THSD7B: variants seen among roughly 807,000 people sequenced by gnomAD.
The protein encoded by THSD7B is thrombospondin type 1 domain containing 7B, also known as thrombospondin type-1 domain-containing protein 7B.
A neutral mutation model predicts 213.6 loss-of-function variants in THSD7B; 138 were observed. That is an observed-to-expected ratio of 0.65 (90% CI 0.56 to 0.74). The LOEUF is 0.74. THSD7B is among the 30% of genes least tolerant of loss of function. The pLI is 0.00. For synonymous variants in THSD7B, 742 were observed against 687.0 expected, an observed-to-expected ratio of 1.08 and a Z score of -1.25; for missense variants, 1,931 against 1,991.5, an observed-to-expected ratio of 0.97 and a Z score of 0.58.
chr2:136,769,381 A>G (rs867523533), intron 1 of THSD7B, among the ~76,000 whole-genome samples: 12 of 152,176 alleles, frequency 7.9e-5, no homozygotes, highest in African/African-American at 2.4e-4. Context: ...TTTTGTTGCT[A>G]CCACATCAAG....
chr2:136,888,108 G>C (rs1683750844), intron 2 of THSD7B, among the ~76,000 whole-genome samples: 1 of 151,954 alleles, frequency 6.6e-6, no homozygotes, highest in Non-Finnish European at 1.5e-5. Flanking sequence ...AAAAAAGAGG[G>C]GATTATTTGA....
intron 12 of THSD7B, among the ~76,000 whole-genome samples, chr2:137,351,302 A>G (rs1245147407): frequency 6.6e-6 from 1 of 152,010 alleles, no homozygotes; most frequent in Admixed American, 6.6e-5. Context: ...AGCTTAACAT[A>G]GAGTATTAAA....
intron 15 of THSD7B, among the ~76,000 whole-genome samples, chr2:137,544,020 C>CTAAA (rs1434115706): frequency 6.6e-6 from 1 of 151,672 alleles, no homozygotes; most frequent in Non-Finnish European, 1.5e-5. Flanking sequence ...TGGTGAGAAC[C>CTAAA]TAAAATGTTG....
At chr2:136,897,689 GA>G (rs1358223843) in intron 2 of THSD7B, among the ~76,000 whole-genome samples, 8 of 152,222 alleles carry the variant, frequency 5.3e-5, no homozygotes, top group Admixed American at 5.2e-4. Flanking sequence ...CTGCTGATTG[GA>G]CCATTTTACA....
chr2:136,923,336 AATTC>A (rs758411320), intron 2 of THSD7B, among the ~76,000 whole-genome samples: 14 of 152,210 alleles, frequency 9.2e-5, no homozygotes, highest in Non-Finnish European at 1.3e-4. Context: ...TCTTTTTAAA[AATTC>A]ATTCATCTAT....
At chr2:137,534,793 T>G (rs1356035518) in intron 15 of THSD7B, among the ~76,000 whole-genome samples, 1 of 151,770 alleles carries the variant, frequency 6.6e-6, no homozygotes, top group African/African-American at 2.4e-5. Context: ...ACATTAGATA[T>G]CTCTCATATA....
intron 3 of THSD7B, among the ~76,000 whole-genome samples, chr2:137,077,982 C>A (rs548227934): frequency 2.0e-5 from 3 of 152,042 alleles, no homozygotes; most frequent in Non-Finnish European, 2.9e-5. Flanking sequence ...GTCTTTAATC[C>A]ATCTTGAATT....
intron 21 of THSD7B, among the ~76,000 whole-genome samples, chr2:137,650,970 G>T (rs1186303734): frequency 6.6e-6 from 1 of 152,016 alleles, no homozygotes; most frequent in Non-Finnish European, 1.5e-5. Flanking sequence ...GTTGAATTTG[G>T]TTTGCTAATA....
intron 1 of THSD7B, among the ~76,000 whole-genome samples, chr2:136,834,618 A>G (rs1205454737): frequency 1.3e-5 from 2 of 152,182 alleles, no homozygotes; most frequent in Non-Finnish European, 2.9e-5. Flanking sequence ...GTATAGTGTT[A>G]GTATCTGTGA....
intron 15 of THSD7B, among the ~76,000 whole-genome samples, chr2:137,549,020 T>C (rs1680791613): frequency 6.6e-6 from 1 of 152,022 alleles, no homozygotes; most frequent in African/African-American, 2.4e-5. Context: ...GGGAGTTATA[T>C]CAAGCCTTCT....
intron 2 of THSD7B, among the ~76,000 whole-genome samples, chr2:136,993,909 A>T (rs1404873404): frequency 6.6e-6 from 1 of 152,248 alleles, no homozygotes; most frequent in Non-Finnish European, 1.5e-5. Flanking sequence ...ATGAACATAA[A>T]TATATACGTG....
chr2:137,379,004 T>C (rs1363439492), intron 12 of THSD7B, among the ~76,000 whole-genome samples: 3 of 152,348 alleles, frequency 2.0e-5, no homozygotes, highest in South Asian at 4.1e-4. Context: ...ATAAGTGATA[T>C]GTTGAAGCCA....
At chr2:137,584,670 A>G (rs1681673977) in intron 17 of THSD7B, among the ~76,000 whole-genome samples, 1 of 152,222 alleles carries the variant, frequency 6.6e-6, no homozygotes, top group Non-Finnish European at 1.5e-5. Flanking sequence ...CCAGCCTTGC[A>G]TCCTAGAGAT....
At chr2:137,118,107 G>C (rs1428636410) in intron 5 of THSD7B, among the ~76,000 whole-genome samples, 3 of 152,132 alleles carry the variant, frequency 2.0e-5, no homozygotes, top group African/African-American at 7.2e-5. Flanking sequence ...AATAGAATTG[G>C]GAATGAAAAC....
chr2:137,084,345 C>T (rs1401932619), intron 3 of THSD7B, among the ~76,000 whole-genome samples: 2 of 151,988 alleles, frequency 1.3e-5, no homozygotes, highest in African/African-American at 4.8e-5. Flanking sequence ...ATTTTGGGAG[C>T]TAAAAAGTAA....
At chr2:137,613,895 G>T (rs13399361) in intron 17 of THSD7B, among the ~76,000 whole-genome samples, 5,580 of 152,090 alleles carry the variant, frequency 0.037, 331 homozygotes, top group African/African-American at 0.13. Flanking sequence ...AAGAAATAAG[G>T]ATAAAAACAC....
rs199954270 is a variant in THSD7B, at chr2:137,276,046, GT to G, written c.2500+29del. ...CAAGAGGTATGATGATTTTTACATA[GT>G]TTTTTTTTATTAATACGTAAGTTAA... On this transcript the variant is annotated intron_variant, in intron 12 of 27. Coordinates refer to ENST00000409968, the MANE Select transcript of THSD7B (RefSeq NM_001316349.2). 1.4e-4 allele frequency: 213 copies of G among 1,558,972 alleles called. No individual in the cohort carries two copies. The highest frequency in any genetic ancestry group is 8.5e-4 in the Middle Eastern group (5 of 5,878).
intron 2 of THSD7B, among the ~76,000 whole-genome samples, chr2:137,002,209 A>G (rs1226241216): frequency 2.0e-5 from 3 of 152,024 alleles, no homozygotes; most frequent in African/African-American, 7.2e-5. Flanking sequence ...CCTCAGAATT[A>G]TTTTCTTCCA....
At chr2:136,874,590 C>T (rs1683494464) in intron 1 of THSD7B, among the ~76,000 whole-genome samples, 1 of 152,030 alleles carries the variant, frequency 6.6e-6, no homozygotes, top group South Asian at 2.1e-4. Context: ...AAATGTTGCA[C>T]CTTTTAAATA....
Sources: gnomAD v4.1 joint callset for allele counts (sites outside exome capture counted in the v4.1 genomes callset) on GRCh38, gnomAD v4.1.1 for gene constraint, MANE v1.5 for transcripts, NCBI Gene and HGNC (gene_info 2026-07-23, HGNC 2026-07-21) for gene names.